The following FBXO3 variants were observed in gnomAD, a reference collection of about 807,000 sequenced individuals.
FBXO3 encodes F-box protein 3.
FBXO3 carries 17 observed loss-of-function variants against 64.8 expected under a neutral mutation model. That is an observed-to-expected ratio of 0.26 (90% confidence interval 0.18 to 0.39). The LOEUF is 0.39. Among genes scored for constraint, FBXO3 ranks in the 10% least tolerant of loss-of-function variants. FBXO3 has a pLI of 1.00. For synonymous variants in FBXO3, 182 were observed against 201.6 expected, an observed-to-expected ratio of 0.90 and a Z score of 0.82; for missense variants, 420 against 589.9, an observed-to-expected ratio of 0.71 and a Z score of 2.98.
chr11:33,774,194 G>A (rs905336723), intron 1 of FBXO3, 200 bp downstream of exon 1: 5 of 553,430 alleles, frequency 9.0e-6, no homozygotes, highest in Non-Finnish European at 1.6e-5. Context: ...CCCAGGACAG[G>A]AGGAAGACTC....
intron 1 of FBXO3, chr11:33,771,251 A>C (rs1337014306): frequency 1.3e-5 from 2 of 152,486 alleles, no homozygotes; most frequent in Non-Finnish European, 2.9e-5. Context: ...CTAAATACAC[A>C]GACTTTTTAT....
chr11:33,771,615 G>T (rs1260539124), intron 1 of FBXO3: 2 of 152,186 alleles, frequency 1.3e-5, no homozygotes, highest in Non-Finnish European at 2.9e-5. Flanking sequence ...TCTCACTTGG[G>T]CAATAGCTAT....
chr11:33,752,626 C>T (rs1291977219), intron 6 of FBXO3, among the ~76,000 whole-genome samples: 2 of 152,168 alleles, frequency 1.3e-5, no homozygotes, highest in African/African-American at 4.8e-5. Flanking sequence ...TCCTCAATAT[C>T]TATTAATGAC....
intron 10 of FBXO3, chr11:33,746,117 A>T (rs1043427020): frequency 6.6e-6 from 1 of 152,352 alleles, no homozygotes; most frequent in African/African-American, 2.4e-5. Flanking sequence ...CAAATTTCAA[A>T]ATTTTCCCAC....
intron 1 of FBXO3, chr11:33,771,231 A>G (rs1855503194): frequency 6.5e-6 from 1 of 153,382 alleles, no homozygotes; most frequent in Non-Finnish European, 1.5e-5. Flanking sequence ...GATCTGTAAG[A>G]TGTATGCTAC....
chr11:33,754,574 TC>T, intron 5 of FBXO3, 74 bp from the exon 6 acceptor site: 1 of 1,322,590 alleles, frequency 7.6e-7, no homozygotes, highest in Admixed American at 2.3e-5. Context: ...TCTGTATCTT[TC>T]CCTGGAGACG....
At position 33,747,321 on chromosome 11, in the gene FBXO3, C is replaced by T; in HGVS notation, c.1049-1G>A. 1.2e-6 allele frequency: 2 copies of T among 1,606,894 alleles called. No homozygotes were observed. The highest frequency in any genetic ancestry group is 1.7e-6 in the Non-Finnish European group (2 of 1,178,004). On this transcript the variant is annotated splice_acceptor_variant, in intron 9 of 10. Coordinates refer to ENST00000265651, the MANE Select transcript of FBXO3 (RefSeq NM_012175.4). LOFTEE classifies it high-confidence loss of function. ...CCTGGGCTGATGATTGGAAATTCAC[C>T]TGCAGGGAAAACAGTAACAATAAAC...
At chr11:33,747,621 C>T (rs1450518217) in intron 9 of FBXO3, among the ~76,000 whole-genome samples, 7 of 151,668 alleles carry the variant, frequency 4.6e-5, no homozygotes, top group African/African-American at 1.7e-4. Context: ...AAGCTATTCT[C>T]CCACCTCAGC....
At chr11:33,752,147 GCACACTA>G (rs1854977216) in intron 6 of FBXO3, among the ~76,000 whole-genome samples, 2 of 152,184 alleles carry the variant, frequency 1.3e-5, no homozygotes, top group African/African-American at 4.8e-5. Flanking sequence ...TGGTCTAGTT[GCACACTA>G]CTATAGATTT....
rs1170445394 is a variant in FBXO3 at position 33,757,656 on chromosome 11, T to TAAAAAA, written c.473+825_473+830dup. The stretch of plus-strand genomic sequence containing the variant: ...GGCAACACACCAAGACACCATCTCT[T>TAAAAAA]AAAAAAAAAAAAAAAAAAAAAAAAA... On this transcript the variant is annotated intron_variant, in intron 4 of 10. Transcript: ENST00000265651. 3.8e-4 allele frequency among the ~76,000 whole-genome samples: 9 copies of TAAAAAA among 23,976 alleles called. 2 individuals are homozygous for TAAAAAA. The highest frequency in any genetic ancestry group is 1.0e-3 in the East Asian group (1 of 962). The allele number at this position is 23,976 out of a possible 152,430, so 15.7% of individuals were successfully genotyped here.
intron 3 of FBXO3, among the ~76,000 whole-genome samples, chr11:33,763,834 T>TGTCATTA (rs1855301965): frequency 6.6e-6 from 1 of 152,148 alleles, no homozygotes; most frequent in Middle Eastern, 3.2e-3. Flanking sequence ...GAAATACAAC[T>TGTCATTA]GTCATTATTC....
chr11:33,754,090 A>G (rs988799012), intron 6 of FBXO3: 1 of 167,124 alleles, frequency 6.0e-6, no homozygotes, highest in African/African-American at 2.4e-5. Flanking sequence ...AAAGAGAAAA[A>G]GTTTAAAGTT....
At position 33,770,738 on chromosome 11, in the gene FBXO3, C is replaced by T. The variant is rs1855492226; in HGVS notation, c.194+3G>A. The T allele has an allele frequency of 1.2e-6, 2 of 1,607,378 alleles. No homozygotes were observed. The highest frequency in any genetic ancestry group is 1.7e-4 in the Middle Eastern group (1 of 6,040). ...CAGAAGTACATATTCCTCGAATACT[C>T]ACTCAGATATCAGCCAGTATTTTTT... On this transcript the variant is annotated splice_donor_region_variant and intron_variant, in intron 2 of 10. Coordinates refer to ENST00000265651, the MANE Select transcript of FBXO3 (RefSeq NM_012175.4).
At chr11:33,772,390 A>G (rs1367903785) in intron 1 of FBXO3, 1 of 152,210 alleles carries the variant, frequency 6.6e-6, no homozygotes, top group Non-Finnish European at 1.5e-5. Context: ...TACCTAAAGC[A>G]TTTAAAGTAA....
At chr11:33,773,861 A>C (rs995406088) in intron 1 of FBXO3, 2 of 153,720 alleles carry the variant, frequency 1.3e-5, no homozygotes, top group Admixed American at 1.3e-4. Context: ...CTGAAGTCCG[A>C]AAGTGAGCCC....
At chr11:33,766,932 C>A (rs1285052714) in intron 3 of FBXO3, among the ~76,000 whole-genome samples, 13 of 151,280 alleles carry the variant, frequency 8.6e-5, no homozygotes, top group Admixed American at 8.6e-4. Context: ...ATCTGACAAC[C>A]TCACTTCCAA....
At chr11:33,754,761 A>C (rs1855050036) in intron 5 of FBXO3, among the ~76,000 whole-genome samples, 1 of 152,220 alleles carries the variant, frequency 6.6e-6, no homozygotes. Context: ...CAAGTAAAAA[A>C]ATGAGATAAA....
intron 3 of FBXO3, among the ~76,000 whole-genome samples, chr11:33,764,989 A>AC (rs1361337770): frequency 6.6e-6 from 1 of 152,132 alleles, no homozygotes; most frequent in Admixed American, 6.5e-5. Flanking sequence ...AAACAAACAA[A>AC]AAAAACTGTC....
chr11:33,750,418 C>T, intron 8 of FBXO3, 121 bp downstream of exon 8: 1 of 1,184,944 alleles, frequency 8.4e-7, no homozygotes, highest in Non-Finnish European at 1.2e-6. Flanking sequence ...CACCTTCCTC[C>T]AAACTTCAGC....
Sources: allele counts gnomAD v4.1 joint callset (sites outside exome capture counted in the v4.1 genomes callset), GRCh38; gene constraint gnomAD v4.1.1; transcripts MANE v1.5; gene names NCBI Gene and HGNC (gene_info 2026-07-23, HGNC 2026-07-21).